Variants in CCNG1 observed in about 807,000 individuals in gnomAD.
CCNG1 encodes the protein cyclin G1.
CCNG1 carries 13 observed loss-of-function variants against 30.0 expected under a neutral mutation model. The ratio of observed to expected loss-of-function variants is 0.43; its 90% CI spans 0.28 to 0.69. The LOEUF is 0.69. CCNG1 is among the 30% of genes least tolerant of loss of function. The pLI is 0.16. For missense variants in CCNG1, 285 were observed against 331.4 expected (o/e 0.86, Z 1.09); for synonymous variants, 110 against 121.5 (o/e 0.91, Z 0.62).
At chr5:163,449,194 T>C (rs563281938), downstream of CCNG1, 6 of 152,268 alleles carry the variant, frequency 3.9e-5, no homozygotes, top group Middle Eastern at 6.8e-3. Flanking sequence ...AGAAAAATCA[T>C]AGACTAAAAA....
At chr5:163,455,267 G>A in the CCNG1 span, among the ~76,000 whole-genome samples, 1 of 152,344 alleles carries the variant, frequency 6.6e-6, no homozygotes, top group East Asian at 1.9e-4. Context: ...GAAGAGCATT[G>A]CAGTCAGGAT....
chr5:163,456,630 A>G, the CCNG1 span, among the ~76,000 whole-genome samples: 1 of 152,322 alleles, frequency 6.6e-6, no homozygotes. Flanking sequence ...TTCACTTTTT[A>G]CACTAGGTAA....
chr5:163,440,324 C>T (rs1490339494), intron 2 of CCNG1, among the ~76,000 whole-genome samples: 1 of 152,180 alleles, frequency 6.6e-6, no homozygotes, highest in Admixed American at 6.5e-5. Flanking sequence ...GAATAATATA[C>T]AGCTATTCCT....
At chr5:163,451,271 ATGT>A in the CCNG1 span, 2 of 152,228 alleles carry the variant, frequency 1.3e-5, no homozygotes, top group Non-Finnish European at 2.9e-5. Flanking sequence ...GGTGAAATGT[ATGT>A]TGTTACAATA....
At chr5:163,442,907 CA>C (rs1211505530) in intron 6 of CCNG1, among the ~76,000 whole-genome samples, 1 of 152,072 alleles carries the variant, frequency 6.6e-6, no homozygotes, top group Non-Finnish European at 1.5e-5. Flanking sequence ...TTTAAAATTA[CA>C]TAAGCTGAGC....
Position 163,443,714 on chromosome 5 carries a change from C to T in CCNG1, c.*44C>T, listed in dbSNP as rs1392511481. On this transcript the variant is annotated 3_prime_UTR_variant, in exon 7 of 7. Transcript: ENST00000340828. ...AAAAAACTTCTCTGAAGCCTTTCTC[C>T]ACAACCTTGTTCTATGGATTCCATA... The T allele has an allele frequency of 2.0e-6, 3 of 1,530,798 alleles. No homozygotes were observed. The highest frequency in any genetic ancestry group is 1.2e-5 in the South Asian group (1 of 83,882). The allele number at this position is 1,530,798 out of a possible 1,614,324, so 94.8% of individuals were successfully genotyped here. A position where few individuals can be genotyped will look rare whatever the true frequency, so the allele number is the denominator to read the frequency against.
chr5:163,446,952 G>A (rs1758052042), downstream of CCNG1: 1 of 152,186 alleles, frequency 6.6e-6, no homozygotes, highest in Non-Finnish European at 1.5e-5. Context: ...GAGGCAGTGA[G>A]ACAAGATCAC....
At chr5:163,457,039 T>C in the CCNG1 span, 1 of 1,613,242 alleles carries the variant, frequency 6.2e-7, no homozygotes, top group Non-Finnish European at 8.5e-7. Context: ...GCTGCATCTC[T>C]CTTTGTCTTT....
downstream of CCNG1, chr5:163,447,805 A>T (rs1758076757): frequency 6.6e-6 from 1 of 152,160 alleles, no homozygotes; most frequent in African/African-American, 2.4e-5. Context: ...ATCTCCAAAC[A>T]CTTGGAAATT....
downstream of CCNG1, chr5:163,450,702 A>G (rs1758156829): frequency 6.6e-6 from 1 of 152,224 alleles, no homozygotes; most frequent in Admixed American, 6.5e-5. Context: ...TGGAACCTGC[A>G]TACACTGCTG....
chr5:163,438,788 A>T (rs1757631516), intron 1 of CCNG1, among the ~76,000 whole-genome samples: 1 of 151,982 alleles, frequency 6.6e-6, no homozygotes, highest in Admixed American at 6.5e-5. Flanking sequence ...GGCACTTTGG[A>T]AGGCCGAGGC....
At chr5:163,450,635 A>G (rs1181603052), downstream of CCNG1, 3 of 152,228 alleles carry the variant, frequency 2.0e-5, no homozygotes, top group African/African-American at 7.2e-5. Context: ...CATATCCACT[A>G]GAGTGACTAA....
chr5:163,447,173 TAC>T (rs1470838796), downstream of CCNG1: 1 of 152,184 alleles, frequency 6.6e-6, no homozygotes, highest in East Asian at 1.9e-4. Context: ...AGAGACCAGG[TAC>T]AGAGACTCAT....
At position 163,443,668 on chromosome 5, in the gene CCNG1, A is replaced by T; in HGVS notation, c.*4-6A>T. 1 of 1,493,890 alleles carries T rather than the reference A, an allele frequency of 6.7e-7. No individual in the cohort carries two copies. Among genetic ancestry groups the T allele is most frequent in the Non-Finnish European group, 9.0e-7 (1 of 1,109,456 alleles). 92.5% of individuals were successfully genotyped at this position (1,493,890 alleles called of 1,614,324 possible). A position where few individuals can be genotyped will look rare whatever the true frequency, so the allele number is the denominator to read the frequency against. On this transcript the variant is annotated splice_region_variant and splice_polypyrimidine_tract_variant and intron_variant, in intron 6 of 6. Coordinates refer to ENST00000340828, the MANE Select transcript of CCNG1 (RefSeq NM_004060.4). ...TGGATTTTGTTTGTTTTCTTTATTT[A>T]AATAGGATTATTACAGCACCAAAAA...
the CCNG1 span, chr5:163,452,490 AATG>A: frequency 6.6e-6 from 1 of 152,348 alleles, no homozygotes; most frequent in East Asian, 1.9e-4. Flanking sequence ...GCACCAATGT[AATG>A]ATAATAGGTT....
chr5:163,454,884 C>T, the CCNG1 span, among the ~76,000 whole-genome samples: 10 of 152,132 alleles, frequency 6.6e-5, no homozygotes, highest in African/African-American at 2.4e-4. Context: ...TGGAACTTAA[C>T]ATTCTAGCAG....
At chr5:163,447,629 A>G (rs1385359954), downstream of CCNG1, 1 of 152,126 alleles carries the variant, frequency 6.6e-6, no homozygotes, top group Non-Finnish European at 1.5e-5. Flanking sequence ...TTGACATAAA[A>G]CCCTTCTACC....
At chr5:163,443,208 A>C (rs1410483010) in intron 6 of CCNG1, among the ~76,000 whole-genome samples, 2 of 150,682 alleles carry the variant, frequency 1.3e-5, no homozygotes, top group Non-Finnish European at 1.5e-5. Context: ...GCTACTCGGG[A>C]GGCTGAGGCA....
At chr5:163,456,820 G>C in the CCNG1 span, 3 of 884,742 alleles carry the variant, frequency 3.4e-6, no homozygotes, top group Non-Finnish European at 4.7e-6. Context: ...AATTCTTCTA[G>C]AAAATGTTTG....
Sources: allele counts gnomAD v4.1 joint callset (sites outside exome capture counted in the v4.1 genomes callset), GRCh38; gene constraint gnomAD v4.1.1; transcripts MANE v1.5; gene names NCBI Gene and HGNC (gene_info 2026-07-23, HGNC 2026-07-21).